AHCTF1: variants seen among roughly 807,000 people sequenced by gnomAD.
The protein encoded by AHCTF1 is AT-hook containing transcription factor 1.
Under a neutral mutation model 248.4 loss-of-function variants are expected in AHCTF1, and 24 were observed. The observed-to-expected ratio is 0.10, with a 90% CI of 0.07 to 0.14. The LOEUF (loss-of-function observed/expected upper bound fraction) is 0.14. Ranked by LOEUF, AHCTF1 falls within the 10% of genes least tolerant of loss-of-function variation. AHCTF1 has a pLI of 1.00. For missense variants in AHCTF1, 2,206 were observed against 2,636.2 expected (o/e 0.84, Z 3.57); for synonymous variants, 786 against 929.8 (o/e 0.85, Z 2.81).
At chr1:246,878,396 C>CA (rs1199465751) in intron 21 of AHCTF1, among the ~76,000 whole-genome samples, 4,709 of 30,718 alleles carry the variant, frequency 0.15, 1,507 homozygotes, top group Non-Finnish European at 0.16. Flanking sequence ...GATTCTGTCT[C>CA]AAAAAAAAAA....
intron 30 of AHCTF1, 37 bp from the exon 31 acceptor site, chr1:246,855,864 A>G: frequency 2.6e-6 from 4 of 1,523,708 alleles, no homozygotes; most frequent in Non-Finnish European, 3.6e-6. Flanking sequence ...GTGTGTAAGA[A>G]GATCCCATCT....
chr1:246,858,725 T>C (rs1016531460), intron 29 of AHCTF1, among the ~76,000 whole-genome samples: 1 of 150,664 alleles, frequency 6.6e-6, no homozygotes, highest in African/African-American at 2.5e-5. Context: ...CTCGGGAGGC[T>C]GAGGCAGAGG....
chr1:246,889,874 C>G, intron 17 of AHCTF1, 92 bp downstream of exon 17: 1 of 870,582 alleles, frequency 1.1e-6, no homozygotes, highest in Non-Finnish European at 1.8e-6. Context: ...ACTGAGAATT[C>G]TACCCATTTA....
At chr1:246,931,254 G>A in intron 1 of AHCTF1, 2 of 1,549,340 alleles carry the variant, frequency 1.3e-6, no homozygotes, top group Admixed American at 3.9e-5. Context: ...GGAAAGGGTC[G>A]CGGCCCCGGC....
At chr1:246,856,765 C>A (rs903343584) in intron 30 of AHCTF1, among the ~76,000 whole-genome samples, 1 of 152,210 alleles carries the variant, frequency 6.6e-6, no homozygotes, top group Non-Finnish European at 1.5e-5. Context: ...TCCAGCTAAT[C>A]TAGATTTCTC....
At position 246,840,884 on chromosome 1, in the gene AHCTF1, C is replaced by T. The variant is rs143718823; in HGVS notation, c.6723G>A (p.Val2241=). ...TGTTCCTTCCAAGACCTGTTCCTGTCACTTCTGTAGTTTTTCTTGGTTTGC... is the reference window on the plus strand; with the variant it reads ...TGTTCCTTCCAAGACCTGTTCCTGTTACTTCTGTAGTTTTTCTTGGTTTGC... ...VKSKPRKTTE[V]TGTGLGRNRK... Residue 2241 remains valine, a synonymous_variant, in exon 36 of 36, where the codon GTG becomes GTA. Transcript: ENST00000648844. 1.1e-3 allele frequency: 1,823 copies of T among 1,613,538 alleles called. 2 individuals are homozygous for T. Among genetic ancestry groups the T allele is most frequent in the Admixed American group, 1.9e-3 (112 of 59,944 alleles).
At chr1:246,884,867 T>A (rs545535994) in intron 21 of AHCTF1, among the ~76,000 whole-genome samples, 1 of 152,174 alleles carries the variant, frequency 6.6e-6, no homozygotes, top group Non-Finnish European at 1.5e-5. Context: ...AGAATTCCAA[T>A]ACTCAAACAA....
chr1:246,899,586 T>C, intron 10 of AHCTF1, 74 bp from the exon 11 acceptor site: 2 of 1,110,164 alleles, frequency 1.8e-6, no homozygotes, highest in South Asian at 1.4e-5. Flanking sequence ...ATTTATCCAA[T>C]AACAGACTGC....
rs763625624 is a variant in AHCTF1 at position 246,850,322 on chromosome 1, G to A, written c.5684C>T (p.Thr1895Met). ...VEIINDLKVS[T>M]VTSPSRMIRK... ...GATCATTCTGCTAGGACTTGTTACC[G>A]TACTAACTTTTAGATCATTTATAAT... The change falls in exon 33 of 36, where the codon ACG becomes ATG. Residue 1895 changes from threonine to methionine, a missense_variant. Physicochemically the swap from Thr to Met is moderately conservative, Grantham distance 81. Coordinates refer to ENST00000648844, the MANE Select transcript of AHCTF1 (RefSeq NM_001323342.2). 4.2e-5 allele frequency: 68 copies of A among 1,613,650 alleles called. No individual in the cohort carries two copies. Among genetic ancestry groups the A allele is most frequent in the South Asian group, 3.1e-4 (28 of 91,066 alleles).
chr1:246,858,147 G>A lies in AHCTF1; in HGVS notation c.4133-333C>T, dbSNP rs374904963. Among the ~76,000 whole-genome samples the A allele has an allele frequency of 1.2e-3, 175 of 151,958 alleles. 3 individuals are homozygous for A. The South Asian group carries it at 0.036, about 31-fold the overall frequency. ...GCTGATTTTTTGTATTTTTAGTAGAGACGGGGTTTCACTGTTTTAGCCAGG... is the reference window on the plus strand; with the variant it reads ...GCTGATTTTTTGTATTTTTAGTAGAAACGGGGTTTCACTGTTTTAGCCAGG... On this transcript the variant is annotated intron_variant, in intron 29 of 35. Coordinates refer to ENST00000648844, the MANE Select transcript of AHCTF1 (RefSeq NM_001323342.2).
chr1:246,893,279 C>A (rs1236317490), intron 14 of AHCTF1, among the ~76,000 whole-genome samples: 4 of 152,202 alleles, frequency 2.6e-5, no homozygotes, highest in African/African-American at 9.6e-5. Flanking sequence ...TTCATGACAA[C>A]AGTTTCATAA....
At chr1:246,913,542 T>C in intron 3 of AHCTF1, 130 bp from the exon 4 acceptor site, 1 of 812,360 alleles carries the variant, frequency 1.2e-6, no homozygotes, top group Non-Finnish European at 1.8e-6. Context: ...TTGCATTTGA[T>C]ACTTGTGATC....
chr1:246,861,811 A>T lies in AHCTF1; in HGVS notation c.3735+148T>A, dbSNP rs1661573692. 3 of 735,568 alleles carry T rather than the reference A, an allele frequency of 4.1e-6. No individual in the cohort carries two copies. The Admixed American group carries it at 9.2e-5, about 23-fold the overall frequency. The allele number at this position is 735,568 out of a possible 1,614,324, so 45.6% of individuals were successfully genotyped here. On this transcript the variant is annotated intron_variant, in intron 28 of 35. Transcript: ENST00000648844. ...GGCCCTAGTGTTTCTTTCAGAACTA[A>T]CCTTTTCTTATTTCATTACTAGCTA... is the stretch of plus-strand genomic sequence containing the variant.
chr1:246,850,700 C>T lies in AHCTF1; in HGVS notation c.5306G>A (p.Gly1769Glu). Residue 1769 changes from glycine to glutamate, a missense_variant, in exon 33 of 36, where the codon GGG becomes GAG. Gly to Glu is a moderately conservative substitution (Grantham distance 98). Around this residue, in one of 6 missense-constraint regions of AHCTF1, gnomAD observed 955 missense variants for 1,055.6 expected, o/e 0.90. Transcript: ENST00000648844. Reference sequence around the variant, plus strand: ...CCTAGTTTTCTTCCTGACTGACTGCCCTGGCATCTTAGGAGTAGCAACATC... The same window carrying T: ...CCTAGTTTTCTTCCTGACTGACTGCTCTGGCATCTTAGGAGTAGCAACATC... ...SADVATPKMP[G>E]QSVRKKTRKA... 6.2e-7 allele frequency: 1 copy of T among 1,613,948 alleles called. No individual in the cohort carries two copies. Among genetic ancestry groups the T allele is most frequent in the Non-Finnish European group, 8.5e-7 (1 of 1,179,870 alleles).
intron 6 of AHCTF1, 86 bp downstream of exon 6, chr1:246,905,455 C>T (rs1040306757): frequency 9.3e-7 from 1 of 1,073,080 alleles, no homozygotes; most frequent in Non-Finnish European, 1.4e-6. Context: ...CGAAATCACG[C>T]CACTGCACTC....
rs1427750861 is a variant in AHCTF1 at position 246,867,898 on chromosome 1, C to A, written c.3089-87G>T. ...ATATGAAAGAATGATTACACCCCCCCCCCCACACACACACACACACACATT... is the reference window on the plus strand; with the variant it reads ...ATATGAAAGAATGATTACACCCCCCACCCCACACACACACACACACACATT... On this transcript the variant is annotated intron_variant, in intron 24 of 35. Coordinates refer to ENST00000648844, the MANE Select transcript of AHCTF1 (RefSeq NM_001323342.2). 5 of 566,676 alleles carry A rather than the reference C, an allele frequency of 8.8e-6. No homozygotes were observed. The South Asian group carries it at 9.5e-5, about 11-fold the overall frequency. 35.1% of individuals were successfully genotyped at this position (566,676 alleles called of 1,614,324 possible).
chr1:246,869,051 G>C (rs12728345), intron 24 of AHCTF1, among the ~76,000 whole-genome samples: 4 of 150,804 alleles, frequency 2.7e-5, no homozygotes, highest in African/African-American at 9.8e-5. Context: ...TCACCATGTT[G>C]GCCAGGATGG....
chr1:246,915,170 A>C (rs1666057353), intron 3 of AHCTF1, among the ~76,000 whole-genome samples: 1 of 151,988 alleles, frequency 6.6e-6, no homozygotes. Context: ...TCTCTACTAA[A>C]AATACAAAAA....
Position 246,918,234 on chromosome 1 carries a change from G to C in AHCTF1, c.121+16C>G. 1 of 1,597,198 alleles carries C rather than the reference G, an allele frequency of 6.3e-7. No homozygotes were observed. Among genetic ancestry groups the C allele is most frequent in the Non-Finnish European group, 8.5e-7 (1 of 1,173,044 alleles). ...AATCAATTGTATTAGTAAATGTTCA[G>C]TGACATTATGTTTACCTGCAGCAAA... On this transcript the variant is annotated intron_variant, in intron 2 of 35. Coordinates refer to ENST00000648844, the MANE Select transcript of AHCTF1 (RefSeq NM_001323342.2).
Sources: allele counts gnomAD v4.1 joint callset (sites outside exome capture counted in the v4.1 genomes callset), GRCh38; gene constraint gnomAD v4.1.1; regional missense constraint gnomAD v4.1.1; transcripts MANE v1.5; gene names NCBI Gene and HGNC (gene_info 2026-07-23, HGNC 2026-07-21).